The following PDE8B variants were observed in gnomAD, a reference collection of about 807,000 sequenced individuals.
PDE8B encodes phosphodiesterase 8B.
Under a neutral mutation model 101.3 loss-of-function variants are expected in PDE8B, and 26 were observed. The observed-to-expected ratio is 0.26, with a 90% confidence interval of 0.19 to 0.36. The LOEUF is 0.36. Among genes scored for constraint, PDE8B ranks in the 10% least tolerant of loss-of-function variants. The pLI, the probability that PDE8B is intolerant of heterozygous loss-of-function variation, is 1.00. For missense variants in PDE8B, 810 were observed against 1,163.1 expected, an observed-to-expected ratio of 0.70 and a Z score of 4.42; for synonymous variants, 424 against 429.3, an observed-to-expected ratio of 0.99 and a Z score of 0.15.
At chr5:77,274,249 G>T (rs1489817089) in intron 1 of PDE8B, among the ~76,000 whole-genome samples, 3 of 152,134 alleles carry the variant, frequency 2.0e-5, no homozygotes, top group African/African-American at 4.8e-5. Flanking sequence ...AGGTAGGGAG[G>T]TATTATTATT....
At chr5:77,149,016 T>C in the PDE8B span, among the ~76,000 whole-genome samples, 1 of 152,178 alleles carries the variant, frequency 6.6e-6, no homozygotes, top group East Asian at 1.9e-4. Flanking sequence ...TATAGGCCTG[T>C]GATCCATTTT....
At chr5:77,214,755 A>T (rs1269013880) in intron 1 of PDE8B, among the ~76,000 whole-genome samples, 1 of 152,168 alleles carries the variant, frequency 6.6e-6, no homozygotes, top group Non-Finnish European at 1.5e-5. Flanking sequence ...TTACGCAAGA[A>T]TCACCTAGAG....
At chr5:77,262,385 T>C (rs957243213) in intron 1 of PDE8B, among the ~76,000 whole-genome samples, 1 of 152,196 alleles carries the variant, frequency 6.6e-6, no homozygotes, top group African/African-American at 2.4e-5. Flanking sequence ...ATCAGTATTG[T>C]TTTTCAAGAA....
chr5:77,294,385 G>A (rs1768055827), intron 1 of PDE8B, among the ~76,000 whole-genome samples: 1 of 152,128 alleles, frequency 6.6e-6, no homozygotes, highest in African/African-American at 2.4e-5. Context: ...AGGAGTGGAG[G>A]GCTTGCTGTT....
the PDE8B span, among the ~76,000 whole-genome samples, chr5:77,093,717 A>T: frequency 2.0e-5 from 3 of 152,174 alleles, no homozygotes; most frequent in Non-Finnish European, 4.4e-5. Context: ...TGTAGGAAAC[A>T]GATGCATAAA....
At chr5:77,309,445 T>C (rs1025169909) in intron 1 of PDE8B, among the ~76,000 whole-genome samples, 4 of 152,116 alleles carry the variant, frequency 2.6e-5, no homozygotes, top group African/African-American at 9.7e-5. Context: ...ATTCATTGCT[T>C]TATTTTCTGC....
chr5:77,232,592 C>T (rs955312121), intron 1 of PDE8B, among the ~76,000 whole-genome samples: 35 of 152,192 alleles, frequency 2.3e-4, no homozygotes, highest in African/African-American at 8.0e-4. Context: ...TATTTTGCTG[C>T]ACACATTAGT....
At chr5:77,095,879 G>A in the PDE8B span, among the ~76,000 whole-genome samples, 1,143 of 152,170 alleles carry the variant, frequency 7.5e-3, 10 homozygotes, top group African/African-American at 0.026. Flanking sequence ...TTTTCAAACT[G>A]AAGTCTTATC....
the PDE8B span, among the ~76,000 whole-genome samples, chr5:77,154,515 T>G: frequency 6.6e-6 from 1 of 152,212 alleles, no homozygotes; most frequent in East Asian, 1.9e-4. Context: ...GTCATGAAAC[T>G]GGGAACCAGG....
intron 1 of PDE8B, among the ~76,000 whole-genome samples, chr5:77,269,520 T>C: frequency 6.6e-6 from 1 of 152,342 alleles, no homozygotes; most frequent in African/African-American, 2.4e-5. Context: ...TGCCTGTGCT[T>C]GTGGGGTATT....
chr5:77,418,386 C>T lies in PDE8B; in HGVS notation c.2069C>T (p.Ala690Val), dbSNP rs1162099154. Residue 690 changes from alanine (A) to valine (V), a missense_variant, in exon 18 of 22, where the codon GCC (alanine) becomes GTC (valine). Transcript: ENST00000264917. Reference protein sequence around the residue: ...DTAVLESHHTALAFQLTVKDT... With the variant: ...DTAVLESHHTVLAFQLTVKDT... Reference sequence around the variant, plus strand: ...GCTGTTCTGGAGAGTCACCACACCGCCCTGGCCTTCCAGCTCACGGTCAAG... The same window carrying T: ...GCTGTTCTGGAGAGTCACCACACCGTCCTGGCCTTCCAGCTCACGGTCAAG... 6.2e-7 allele frequency: 1 copy of T among 1,614,042 alleles called. No individual in the cohort carries two copies. The highest frequency in any genetic ancestry group is 2.2e-5 in the East Asian group (1 of 44,886).
intron 1 of PDE8B, among the ~76,000 whole-genome samples, chr5:77,264,607 G>A (rs1405125573): frequency 6.6e-6 from 1 of 152,200 alleles, no homozygotes; most frequent in East Asian, 1.9e-4. Context: ...GGGGTGATTT[G>A]GGGGCAGTGG....
At chr5:77,323,008 G>A (rs1775377968) in intron 2 of PDE8B, among the ~76,000 whole-genome samples, 1 of 152,196 alleles carries the variant, frequency 6.6e-6, no homozygotes, top group African/African-American at 2.4e-5. Context: ...TGAGATTCTT[G>A]TTTAGAAACC....
chr5:77,349,420 A>T lies in PDE8B; in HGVS notation c.878A>T (p.Tyr293Phe). 1 of 1,614,148 alleles carries T rather than the reference A, an allele frequency of 6.2e-7. No individual in the cohort carries two copies. Among genetic ancestry groups the T allele is most frequent in the East Asian group, 2.2e-5 (1 of 44,890 alleles). ...TCTGTACCAACCTCCCATTAACAGT[A>T]TGTCAACCCAGCCTTCGAAAGGATG... is the stretch of plus-strand genomic sequence containing the variant. ...EITSDDHVIQ[Y>F]VNPAFERMMG... Residue 293 changes from tyrosine to phenylalanine, a missense_variant and splice_region_variant, in exon 8 of 22, where the codon TAT (tyrosine) becomes TTT (phenylalanine). Physicochemically the swap from Tyr to Phe is conservative, Grantham distance 22 (BLOSUM62 3). Coordinates refer to ENST00000264917, the MANE Select transcript of PDE8B (RefSeq NM_003719.5).
rs755706488 is a variant in PDE8B, at chr5:77,312,037, C to T, written c.383C>T (p.Thr128Met). 5.6e-6 allele frequency: 9 copies of T among 1,611,670 alleles called. No homozygotes were observed. The highest frequency in any genetic ancestry group is 1.1e-5 in the South Asian group (1 of 91,008). Residue 128 changes from threonine (T) to methionine (M), a missense_variant, in exon 2 of 22, where the codon ACG (threonine) becomes ATG (methionine). Thr to Met is a moderately conservative substitution (Grantham distance 81). Coordinates refer to ENST00000264917, the MANE Select transcript of PDE8B (RefSeq NM_003719.5). ...AEVRIGPMRL[T>M]QDPIQVLLIF... ...GTGCGCATCGGGCCCATGAGACTGA[C>T]GCAGGACCCTATTCAGGTACGCCTC...
intron 1 of PDE8B, among the ~76,000 whole-genome samples, chr5:77,301,311 T>C (rs956578235): frequency 6.6e-6 from 1 of 152,198 alleles, no homozygotes; most frequent in Non-Finnish European, 1.5e-5. Context: ...CCACAGGAAA[T>C]CTCTAAAACT....
At chr5:77,357,402 C>T (rs1413189803) in intron 10 of PDE8B, among the ~76,000 whole-genome samples, 1 of 152,174 alleles carries the variant, frequency 6.6e-6, no homozygotes, top group Non-Finnish European at 1.5e-5. Context: ...AGGAGATGGT[C>T]AGCCTCCCCT....
chr5:77,397,950 A>G (rs1791425786), intron 10 of PDE8B, among the ~76,000 whole-genome samples: 1 of 151,534 alleles, frequency 6.6e-6, no homozygotes, highest in Admixed American at 6.6e-5. Flanking sequence ...GAGATAACAC[A>G]ATACAAAAGA....
chr5:77,135,564 C>T, the PDE8B span, among the ~76,000 whole-genome samples: 76 of 151,262 alleles, frequency 5.0e-4, no homozygotes, highest in Non-Finnish European at 9.1e-4. Flanking sequence ...GCAGCCTCCG[C>T]CTCCAGAGTT....
Sources: allele counts gnomAD v4.1 joint callset (sites outside exome capture counted in the v4.1 genomes callset), GRCh38; gene constraint gnomAD v4.1.1; transcripts MANE v1.5; gene names NCBI Gene and HGNC (gene_info 2026-07-23, HGNC 2026-07-21).